LRRC4C: variants seen among roughly 807,000 people sequenced by gnomAD.
LRRC4C encodes leucine-rich repeat-containing protein 4C.
LRRC4C carries 5 observed loss-of-function variants against 33.6 expected under a neutral mutation model. The observed-to-expected ratio is 0.15, with a 90% CI of 0.08 to 0.31. LRRC4C has a LOEUF of 0.31. Ranked by LOEUF, LRRC4C falls within the 10% of genes least tolerant of loss-of-function variation. LRRC4C has a pLI of 1.00. For missense variants in LRRC4C, 560 were observed against 796.7 expected, an observed-to-expected ratio of 0.70 and a Z score of 3.58; for synonymous variants, 329 against 302.0, an observed-to-expected ratio of 1.09 and a Z score of -0.93.
At chr11:40,768,813 G>A (rs1177898260) in intron 2 of LRRC4C, among the ~76,000 whole-genome samples, 1 of 151,844 alleles carries the variant, frequency 6.6e-6, no homozygotes, top group Non-Finnish European at 1.5e-5. Context: ...ACCTTTAAAA[G>A]ACTGGAAATG....
chr11:41,158,813 G>A (rs1430647914), intron 1 of LRRC4C, among the ~76,000 whole-genome samples: 7 of 152,004 alleles, frequency 4.6e-5, no homozygotes, highest in Admixed American at 3.9e-4. Context: ...TCAATAGATA[G>A]GAAAAAATAT....
intron 1 of LRRC4C, among the ~76,000 whole-genome samples, chr11:41,209,665 GA>G (rs1174358865): frequency 6.6e-6 from 1 of 150,546 alleles, no homozygotes; most frequent in Non-Finnish European, 1.5e-5. Flanking sequence ...AAAAATTAAA[GA>G]GAAAAAAAGA....
At chr11:40,789,193 T>G (rs1950536406) in intron 2 of LRRC4C, among the ~76,000 whole-genome samples, 1 of 151,534 alleles carries the variant, frequency 6.6e-6, no homozygotes, top group African/African-American at 2.4e-5. Flanking sequence ...ATTTAGACCA[T>G]TCTCTTTCAA....
chr11:40,635,415 G>A (rs1193439936), intron 3 of LRRC4C, among the ~76,000 whole-genome samples: 1 of 152,120 alleles, frequency 6.6e-6, no homozygotes, highest in African/African-American at 2.4e-5. Context: ...GCTAGATGAT[G>A]CTCATTGTTG....
At chr11:40,779,021 G>A (rs1950117301) in intron 2 of LRRC4C, among the ~76,000 whole-genome samples, 1 of 152,190 alleles carries the variant, frequency 6.6e-6, no homozygotes, top group Admixed American at 6.5e-5. Flanking sequence ...TGTGGAGAAT[G>A]AAAGGCAAGA....
chr11:40,329,977 G>A (rs1946285744), intron 3 of LRRC4C, among the ~76,000 whole-genome samples: 1 of 151,842 alleles, frequency 6.6e-6, no homozygotes, highest in Admixed American at 6.6e-5. Flanking sequence ...TCCTGACCTC[G>A]TGATCCACCC....
At chr11:40,518,427 C>T (rs542715222) in intron 3 of LRRC4C, among the ~76,000 whole-genome samples, 3 of 152,118 alleles carry the variant, frequency 2.0e-5, no homozygotes, top group East Asian at 3.9e-4. Context: ...AAAAACAACC[C>T]CATCAAAAAG....
At chr11:40,154,287 C>CAAAAAAAAAAAAAAACAAAAAAA (rs1858481312) in intron 5 of LRRC4C, among the ~76,000 whole-genome samples, 1 of 114,206 alleles carries the variant, frequency 8.8e-6, no homozygotes, top group Non-Finnish European at 1.9e-5. Flanking sequence ...AGCTAAAAAG[C>CAAAAAAAAAAAAAAACAAAAAAA]AAAAAAAAAA....
At chr11:40,697,858 A>G (rs1945653058) in intron 2 of LRRC4C, among the ~76,000 whole-genome samples, 1 of 152,082 alleles carries the variant, frequency 6.6e-6, no homozygotes. Flanking sequence ...TCATGAGGTC[A>G]GGAGATAGAG....
chr11:41,019,312 CT>C (rs1053190703), intron 1 of LRRC4C, among the ~76,000 whole-genome samples: 1 of 152,136 alleles, frequency 6.6e-6, no homozygotes, highest in African/African-American at 2.4e-5. Flanking sequence ...AGGAGGATGG[CT>C]TTCAGCTTCA....
At chr11:40,556,484 T>A (rs558503036) in intron 3 of LRRC4C, among the ~76,000 whole-genome samples, 1 of 152,334 alleles carries the variant, frequency 6.6e-6, no homozygotes, top group African/African-American at 2.4e-5. Flanking sequence ...AGATACCTGT[T>A]GTTTGCCCCA....
intron 6 of LRRC4C, among the ~76,000 whole-genome samples, chr11:40,121,364 C>A (rs1855812452): frequency 6.6e-6 from 1 of 152,146 alleles, no homozygotes; most frequent in African/African-American, 2.4e-5. Flanking sequence ...TAATTTATAA[C>A]CTACAGTGAA....
chr11:40,172,238 C>A (rs191381945), intron 5 of LRRC4C, among the ~76,000 whole-genome samples: 1 of 152,076 alleles, frequency 6.6e-6, no homozygotes, highest in Non-Finnish European at 1.5e-5. Flanking sequence ...TATAAATCAC[C>A]CAGTCTTAGG....
chr11:41,326,298 A>G (rs1321351042), intron 1 of LRRC4C, among the ~76,000 whole-genome samples: 1 of 152,168 alleles, frequency 6.6e-6, no homozygotes, highest in Non-Finnish European at 1.5e-5. Flanking sequence ...GACTTACACC[A>G]GTGGTTTGCC....
chr11:41,018,477 A>C (rs1242964136), intron 1 of LRRC4C, among the ~76,000 whole-genome samples: 1 of 152,008 alleles, frequency 6.6e-6, no homozygotes, highest in Non-Finnish European at 1.5e-5. Flanking sequence ...TTGACTTACA[A>C]CTCGTAATAG....
At chr11:40,946,267 T>G (rs926346509) in intron 1 of LRRC4C, among the ~76,000 whole-genome samples, 6 of 152,190 alleles carry the variant, frequency 3.9e-5, no homozygotes, top group African/African-American at 1.4e-4. Flanking sequence ...GGACATAATT[T>G]CATTCTTTTG....
At chr11:41,386,626 T>G (rs1415792235) in intron 1 of LRRC4C, among the ~76,000 whole-genome samples, 2 of 151,820 alleles carry the variant, frequency 1.3e-5, no homozygotes, top group African/African-American at 4.8e-5. Flanking sequence ...ACATTCATTG[T>G]GCCTACCATG....
chr11:41,018,933 T>G (rs1220768988), intron 1 of LRRC4C, among the ~76,000 whole-genome samples: 1 of 152,052 alleles, frequency 6.6e-6, no homozygotes, highest in Non-Finnish European at 1.5e-5. Flanking sequence ...TTTTTAGGAG[T>G]ACACATCTAT....
At chr11:40,209,662 C>T (rs1251010420) in intron 5 of LRRC4C, among the ~76,000 whole-genome samples, 2 of 152,134 alleles carry the variant, frequency 1.3e-5, no homozygotes, top group East Asian at 3.9e-4. Flanking sequence ...CATGCCTCAG[C>T]CTCCCAAGTA....
Sources: gnomAD v4.1 joint callset for allele counts (sites outside exome capture counted in the v4.1 genomes callset) on GRCh38, gnomAD v4.1.1 for gene constraint, MANE v1.5 for transcripts, NCBI Gene and HGNC (gene_info 2026-07-23, HGNC 2026-07-21) for gene names.